ERO1B: variants seen among roughly 807,000 people sequenced by gnomAD.
ERO1B encodes ERO1-like protein beta.
In ERO1B, 49 loss-of-function variants were observed where a neutral mutation model predicts 75.3. The ratio of observed to expected loss-of-function variants is 0.65; its 90% CI spans 0.52 to 0.83. The LOEUF is 0.83. Among genes scored for constraint, ERO1B ranks in the 40% least tolerant of loss-of-function variants. ERO1B has a pLI of 0.00. For synonymous variants in ERO1B, 191 were observed against 192.9 expected, an observed-to-expected ratio of 0.99 and a Z score of 0.08; for missense variants, 512 against 560.1, an observed-to-expected ratio of 0.91 and a Z score of 0.87.
Position 236,226,399 on chromosome 1 carries a change from A to T in ERO1B, c.922T>A (p.Leu308Met). 3.1e-6 allele frequency: 5 copies of T among 1,614,170 alleles called. No homozygotes were observed. The highest frequency in any genetic ancestry group is 4.2e-6 in the Non-Finnish European group (5 of 1,180,016). Residue 308 changes from leucine (L) to methionine (M), a missense_variant, in exon 12 of 16, where the codon TTG becomes ATG. Coordinates refer to ENST00000354619, the MANE Select transcript of ERO1B (RefSeq NM_019891.4). Reference protein sequence around the residue: ...RRLKNLYFLYLIELRALSKVA... With the variant: ...RRLKNLYFLYMIELRALSKVA... ...TTTGACAAAGCTCGAAGCTCAATCA[A>T]GTATAAAAAGTAAAGATTCTTGAGC...
chr1:236,248,173 T>C (rs967093243), intron 5 of ERO1B, among the ~76,000 whole-genome samples: 4 of 152,210 alleles, frequency 2.6e-5, no homozygotes, highest in Admixed American at 6.5e-5. Context: ...CATTCATTTG[T>C]TGAATGAATA....
chr1:236,234,792 C>A (rs1664497164), intron 8 of ERO1B, among the ~76,000 whole-genome samples: 1 of 152,178 alleles, frequency 6.6e-6, no homozygotes, highest in Non-Finnish European at 1.5e-5. Context: ...AAAGAAAACA[C>A]TGGAATGGCA....
At chr1:236,250,840 C>T (rs1665008354) in intron 4 of ERO1B, among the ~76,000 whole-genome samples, 1 of 151,716 alleles carries the variant, frequency 6.6e-6, no homozygotes. Context: ...TAAAAAGGTA[C>T]AACTGCCTTG....
intron 6 of ERO1B, among the ~76,000 whole-genome samples, chr1:236,239,879 G>GTATA (rs1572042492): frequency 2.3e-5 from 1 of 43,456 alleles, no homozygotes; most frequent in African/African-American, 5.5e-5. Flanking sequence ...ATGTGTATAT[G>GTATA]TGTGTGTGTG....
chr1:236,245,355 C>T (rs1359356847), intron 5 of ERO1B, among the ~76,000 whole-genome samples: 9 of 61,016 alleles, frequency 1.5e-4, no homozygotes, highest in South Asian at 5.5e-4. Context: ...TATATATACA[C>T]ACGTATATAT....
chr1:236,257,832 G>T (rs1665195240), intron 2 of ERO1B, among the ~76,000 whole-genome samples: 1 of 150,154 alleles, frequency 6.7e-6, no homozygotes, highest in Non-Finnish European at 1.5e-5. Flanking sequence ...CAGAAGAAAG[G>T]ATTAGCAAAC....
At chr1:236,281,436 G>A (rs1665826340) in intron 1 of ERO1B, 1 of 368,542 alleles carries the variant, frequency 2.7e-6, no homozygotes. Context: ...CAGGGGGACC[G>A]TCACCATCTT....
At chr1:236,235,123 CCA>C (rs1406564048) in intron 8 of ERO1B, among the ~76,000 whole-genome samples, 7 of 152,302 alleles carry the variant, frequency 4.6e-5, no homozygotes, top group African/African-American at 7.2e-5. Context: ...TTCATGTGTT[CCA>C]CAGTCCCATG....
chr1:236,227,365 G>C (rs1217007378), intron 10 of ERO1B, among the ~76,000 whole-genome samples: 1 of 152,082 alleles, frequency 6.6e-6, no homozygotes, highest in Non-Finnish European at 1.5e-5. Context: ...TAAGCCACAG[G>C]GGCTTTTTTG....
In ERO1B at chr1:236,230,270, G is replaced by A. The variant is rs372710995; in HGVS notation, c.686-20C>T. 3.2e-6 allele frequency: 5 copies of A among 1,569,590 alleles called. No homozygotes were observed. The highest frequency in any genetic ancestry group is 1.1e-5 in the South Asian group (1 of 89,310). On this transcript the variant is annotated intron_variant, in intron 9 of 15. Transcript: ENST00000354619. Reference sequence around the variant, plus strand: ...ATTCTCCTGAGAGAGAGAGAAAAGTGGATTAAAACATTATATGGTCATTTA... The same window carrying A: ...ATTCTCCTGAGAGAGAGAGAAAAGTAGATTAAAACATTATATGGTCATTTA...
At chr1:236,234,874 A>G (rs894512138) in intron 8 of ERO1B, among the ~76,000 whole-genome samples, 2 of 152,222 alleles carry the variant, frequency 1.3e-5, no homozygotes, top group African/African-American at 4.8e-5. Context: ...CCCACTGATG[A>G]CAGTAATGCT....
chr1:236,234,357 A>G (rs1664486574), intron 8 of ERO1B, among the ~76,000 whole-genome samples: 1 of 152,202 alleles, frequency 6.6e-6, no homozygotes, highest in Non-Finnish European at 1.5e-5. Context: ...AAGTGAAAAA[A>G]TTGTATTTTC....
At chr1:236,227,305 T>C (rs990359439) in intron 10 of ERO1B, among the ~76,000 whole-genome samples, 1 of 152,172 alleles carries the variant, frequency 6.6e-6, no homozygotes, top group African/African-American at 2.4e-5. Context: ...AGTGGAATCA[T>C]ATCAGTGGAG....
chr1:236,244,431 A>G (rs1664789377), intron 5 of ERO1B, among the ~76,000 whole-genome samples: 1 of 152,206 alleles, frequency 6.6e-6, no homozygotes. Context: ...GGAGTATATA[A>G]TAAAAATTAA....
chr1:236,238,370 G>A (rs1664595383), intron 6 of ERO1B, among the ~76,000 whole-genome samples: 1 of 151,990 alleles, frequency 6.6e-6, no homozygotes. Flanking sequence ...TTCAAATTAT[G>A]AAGTATAAGT....
chr1:236,230,089 C>A (rs1664366323), intron 10 of ERO1B, 135 bp downstream of exon 10: 1 of 707,928 alleles, frequency 1.4e-6, no homozygotes. Context: ...CATATGTTAA[C>A]CTAAAACACA....
intron 1 of ERO1B, among the ~76,000 whole-genome samples, chr1:236,278,722 T>C (rs1172707834): frequency 6.6e-6 from 1 of 152,246 alleles, no homozygotes; most frequent in Admixed American, 6.5e-5. Context: ...GTATGCACTA[T>C]GCCTTTAGTT....
intron 7 of ERO1B, 42 bp downstream of exon 7, chr1:236,236,236 C>T (rs202135078): frequency 5.1e-5 from 82 of 1,611,170 alleles, no homozygotes; most frequent in South Asian, 2.6e-4. Flanking sequence ...CTCTCCCGAC[C>T]CTCTATCAGT....
rs115383022 is a variant in ERO1B at position 236,220,647 on chromosome 1, T to C, written c.1343+185A>G. On this transcript the variant is annotated intron_variant, in intron 15 of 15. Transcript: ENST00000354619. ...AAAACACTGGCAATTGGAAACTTAG[T>C]TTTTCCTATGACCTGTAGAGAAACT... 3.4e-3 allele frequency: 1,474 copies of C among 434,942 alleles called. 4 individuals are homozygous for C. Among genetic ancestry groups the C allele is most frequent in the Non-Finnish European group, 4.8e-3 (1,238 of 260,024 alleles). 26.9% of individuals were successfully genotyped at this position (434,942 alleles called of 1,614,324 possible).
Sources: gnomAD v4.1 joint callset for allele counts (sites outside exome capture counted in the v4.1 genomes callset) on GRCh38, gnomAD v4.1.1 for gene constraint, MANE v1.5 for transcripts, NCBI Gene and HGNC (gene_info 2026-07-23, HGNC 2026-07-21) for gene names.